The following CHN2 variants were observed in gnomAD, a reference collection of about 807,000 sequenced individuals.
The protein encoded by CHN2 is chimerin 2.
In CHN2, 35 loss-of-function variants were observed where a neutral mutation model predicts 56.3. That is an observed-to-expected ratio of 0.62 (90% confidence interval 0.47 to 0.82). The LOEUF (loss-of-function observed/expected upper bound fraction) is 0.82, where lower values mean the gene tolerates loss of function less well. Ranked by LOEUF, CHN2 falls within the 40% of genes least tolerant of loss-of-function variation. The pLI, the probability that CHN2 is intolerant of heterozygous loss-of-function variation, is 0.00. For missense variants in CHN2, 491 were observed against 580.5 expected (o/e 0.85, Z 1.58); for synonymous variants, 210 against 212.8 (o/e 0.99, Z 0.12).
intron 6 of CHN2, among the ~76,000 whole-genome samples, chr7:29,469,287 T>G (rs889443600): frequency 2.0e-5 from 3 of 152,216 alleles, no homozygotes; most frequent in African/African-American, 7.2e-5. Context: ...ATTTCTGCCA[T>G]AGCCTTTAGC....
chr7:29,348,105 A>G (rs1797601549), intron 1 of CHN2, among the ~76,000 whole-genome samples: 1 of 152,190 alleles, frequency 6.6e-6, no homozygotes, highest in South Asian at 2.1e-4. Flanking sequence ...AGTAAAAACA[A>G]CGGAGGTATT....
At chr7:29,370,309 ACTTGCATG>A (rs1448315385) in intron 3 of CHN2, among the ~76,000 whole-genome samples, 2 of 152,152 alleles carry the variant, frequency 1.3e-5, no homozygotes, top group Admixed American at 6.5e-5. Flanking sequence ...CTTGTAACAC[ACTTGCATG>A]CTTGGGAGAC....
chr7:29,511,453 T>TAAATGCCAATAA (rs1460605547), intron 12 of CHN2, among the ~76,000 whole-genome samples: 7 of 152,304 alleles, frequency 4.6e-5, no homozygotes, highest in Admixed American at 4.6e-4. Flanking sequence ...AGCTGAACCT[T>TAAATGCCAATAA]AAATGCCAAT....
chr7:29,264,013 TG>T (rs1225381920), intron 1 of CHN2, among the ~76,000 whole-genome samples: 2 of 147,334 alleles, frequency 1.4e-5, no homozygotes, highest in East Asian at 4.1e-4. Context: ...ATCCGGGAGC[TG>T]GGGGGCAGGC....
chr7:29,204,241 G>C (rs1784370921), intron 1 of CHN2, among the ~76,000 whole-genome samples: 1 of 141,782 alleles, frequency 7.1e-6, no homozygotes, highest in Non-Finnish European at 1.5e-5. Flanking sequence ...TACACAGAAA[G>C]TGGAAGTGGA....
At chr7:29,484,794 A>C (rs1339372807) in intron 7 of CHN2, among the ~76,000 whole-genome samples, 3 of 152,196 alleles carry the variant, frequency 2.0e-5, no homozygotes, top group African/African-American at 7.2e-5. Context: ...AATAGGAAGG[A>C]TCTCTAGCCT....
intron 3 of CHN2, among the ~76,000 whole-genome samples, chr7:29,389,585 A>G (rs780462180): frequency 6.6e-6 from 1 of 152,092 alleles, no homozygotes; most frequent in Non-Finnish European, 1.5e-5. Context: ...TGAGAAGTGT[A>G]CCTTTAAGGA....
chr7:29,505,405 G>C (rs1214505829), intron 10 of CHN2, among the ~76,000 whole-genome samples: 1 of 152,136 alleles, frequency 6.6e-6, no homozygotes. Context: ...AGCCCTACTG[G>C]ATAGAGCCTA....
chr7:29,243,962 G>C (rs1402905409), intron 1 of CHN2, among the ~76,000 whole-genome samples: 1 of 152,216 alleles, frequency 6.6e-6, no homozygotes, highest in Non-Finnish European at 1.5e-5. Context: ...AGTTGCCCCT[G>C]TAACAGCACA....
intron 6 of CHN2, among the ~76,000 whole-genome samples, chr7:29,415,068 T>C (rs1266433187): frequency 6.6e-6 from 1 of 152,232 alleles, no homozygotes; most frequent in Non-Finnish European, 1.5e-5. Flanking sequence ...TAATTAATAA[T>C]AATTAAATAT....
rs539151442 is a variant in CHN2 at position 29,473,482 on chromosome 7, T to TTTTGTG, written c.577-6796_577-6795insTTGTGT. Among the ~76,000 whole-genome samples, 100 of 118,194 alleles carry TTTTGTG rather than the reference T, an allele frequency of 8.5e-4. 1 individual carries two copies. The highest frequency in any genetic ancestry group is 2.3e-3 in the East Asian group (10 of 4,380). 77.5% of individuals were successfully genotyped at this position (118,194 alleles called of 152,430 possible). ...TGTGTGTGTTTGTGTTTTTTTTTTT[T>TTTTGTG]TGTGTGTGTGTGTGTGTGTGTGTGT... On this transcript the variant is annotated intron_variant, in intron 6 of 12. Transcript: ENST00000222792.
intron 1 of CHN2, among the ~76,000 whole-genome samples, chr7:29,238,834 A>G (rs2128808476): frequency 6.6e-6 from 1 of 152,320 alleles, no homozygotes; most frequent in South Asian, 2.1e-4. Context: ...TGAGGTGGGA[A>G]CATGCCTGGA....
rs530452123 is a variant in CHN2, at chr7:29,505,490, C to T, written c.991+669C>T. ...GCCCTCCCTCTCTCTTCAGACTTCT[C>T]TCCAGTTCCTCCTCCCTACTGTACT... On this transcript the variant is annotated intron_variant, in intron 10 of 12. Transcript: ENST00000222792. Among the ~76,000 whole-genome samples the T allele has an allele frequency of 5.9e-5, 9 of 152,316 alleles. No homozygotes were observed. The South Asian group carries it at 1.5e-3, about 25-fold the overall frequency.
At position 29,458,549 on chromosome 7, in the gene CHN2, TC is replaced by T. The variant is rs938012229; in HGVS notation, c.577-21727del. Among the ~76,000 whole-genome samples the T allele has an allele frequency of 3.6e-4, 55 of 152,144 alleles. 1 individual carries two copies. Among genetic ancestry groups the T allele is most frequent in the Admixed American group, 2.2e-3 (33 of 15,278 alleles). ...TTTTACTTCTCAAGGGCAAATGTATTCCCGGTGCCTGGAGTTAATGTGTGTG... is the reference window on the plus strand; with the variant it reads ...TTTTACTTCTCAAGGGCAAATGTATTCCGGTGCCTGGAGTTAATGTGTGTG... On this transcript the variant is annotated intron_variant, in intron 6 of 12. Transcript: ENST00000222792.
upstream of CHN2, among the ~76,000 whole-genome samples, chr7:29,190,477 T>C (rs1276362345): frequency 9.2e-5 from 14 of 152,224 alleles, no homozygotes; most frequent in Admixed American, 9.2e-4. Flanking sequence ...CACCCTGCAG[T>C]GCTTTCTTGT....
At chr7:29,390,944 C>T (rs1460336343) in intron 3 of CHN2, among the ~76,000 whole-genome samples, 1 of 152,182 alleles carries the variant, frequency 6.6e-6, no homozygotes, top group African/African-American at 2.4e-5. Context: ...CACCATTTAA[C>T]TTAAACATTA....
chr7:29,206,684 T>G (rs1784545366), intron 1 of CHN2, among the ~76,000 whole-genome samples: 1 of 152,158 alleles, frequency 6.6e-6, no homozygotes, highest in African/African-American at 2.4e-5. Context: ...GATTTGTGGT[T>G]CACAAGCACA....
upstream of CHN2, among the ~76,000 whole-genome samples, chr7:29,191,108 T>C (rs1201716642): frequency 1.3e-5 from 2 of 152,114 alleles, no homozygotes; most frequent in East Asian, 3.9e-4. Flanking sequence ...AATTTATTTT[T>C]TATGTTTTTA....
chr7:29,420,107 A>T (rs895997646), intron 6 of CHN2, among the ~76,000 whole-genome samples: 2 of 148,526 alleles, frequency 1.3e-5, no homozygotes, highest in Non-Finnish European at 3.0e-5. Flanking sequence ...AGCTACAATT[A>T]AAAAAAAAAG....
Sources: allele counts gnomAD v4.1 joint callset (sites outside exome capture counted in the v4.1 genomes callset), GRCh38; gene constraint gnomAD v4.1.1; transcripts MANE v1.5; gene names NCBI Gene and HGNC (gene_info 2026-07-23, HGNC 2026-07-21).